NRK: variants seen among roughly 807,000 people sequenced by gnomAD.
NRK encodes nik-related protein kinase.
NRK carries 67 observed loss-of-function variants against 125.2 expected under a neutral mutation model. That is an observed-to-expected ratio of 0.54 (90% CI 0.44 to 0.66). The LOEUF is 0.66. Among genes scored for constraint, NRK ranks in the 30% least tolerant of loss-of-function variants. The pLI is 0.00. For synonymous variants in NRK, 458 were observed against 429.0 expected, an observed-to-expected ratio of 1.07 and a Z score of -0.84; for missense variants, 1,224 against 1,192.9, an observed-to-expected ratio of 1.03 and a Z score of -0.38.
chrX:105,907,218 G>A (rs1319112087), intron 11 of NRK: 1 of 110,896 alleles, frequency 9.0e-6, no homozygotes, highest in East Asian at 2.8e-4. Context: ...ACTCCAGCCC[G>A]GGTGACAGAA....
chrX:105,954,111 T>C (rs1186061962), intron 28 of NRK, among the ~76,000 whole-genome samples: 2 of 111,544 alleles, frequency 1.8e-5, no homozygotes, highest in Non-Finnish European at 3.8e-5. Flanking sequence ...TATTAATAAC[T>C]GCTTTGGGAA....
rs752587677 is a variant in NRK at position 105,953,127 on chromosome X, G to T, written c.4607G>T (p.Arg1536Leu). Residue 1536 changes from arginine to leucine, a missense_variant, in exon 28 of 29, where the codon CGC (arginine) becomes CTC (leucine). Arg to Leu is a moderately radical substitution (Grantham distance 102, BLOSUM62 -2). Transcript: ENST00000243300. ...AGGGTTCTGGAAAGTGAGCTGAAGC[G>T]CAGGTCAATTAAGAAGCTGAGATTC... ...QSRVLESELKRRSIKKLRFLC... is the reference protein window; with the variant it reads ...QSRVLESELKLRSIKKLRFLC... The T allele has an allele frequency of 2.5e-6, 3 of 1,195,558 alleles. No individual in the cohort carries two copies. Among genetic ancestry groups the T allele is most frequent in the Non-Finnish European group, 3.4e-6 (3 of 885,349 alleles).
At chrX:105,862,136 A>G (rs2039611861) in intron 2 of NRK, among the ~76,000 whole-genome samples, 1 of 112,097 alleles carries the variant, frequency 8.9e-6, no homozygotes, top group South Asian at 3.7e-4. Context: ...ATAAAACAAG[A>G]TGGTGATAAG....
At chrX:105,866,013 G>T (rs866881091) in intron 2 of NRK, among the ~76,000 whole-genome samples, 1 of 61,795 alleles carries the variant, frequency 1.6e-5, no homozygotes, top group Non-Finnish European at 2.6e-5. Flanking sequence ...ACAAAACAAA[G>T]CAAAAAAAAA....
At chrX:105,937,161 A>G (rs2040676043) in intron 21 of NRK, among the ~76,000 whole-genome samples, 1 of 109,863 alleles carries the variant, frequency 9.1e-6, no homozygotes, top group African/African-American at 3.3e-5. Flanking sequence ...ATTTTTATGT[A>G]TTTCATTGAA....
At chrX:105,846,370 T>C (rs1189482201) in intron 2 of NRK, among the ~76,000 whole-genome samples, 1 of 111,787 alleles carries the variant, frequency 8.9e-6, no homozygotes, top group Admixed American at 9.5e-5. Context: ...GGTCAGTGTG[T>C]GGAGTGGAAT....
intron 2 of NRK, among the ~76,000 whole-genome samples, chrX:105,873,737 T>G (rs768452194): frequency 9.0e-6 from 1 of 111,362 alleles, no homozygotes; most frequent in Non-Finnish European, 1.9e-5. Context: ...TCCCATCCAC[T>G]GGGCCCAACC....
In NRK at chrX:105,935,159, C is replaced by T. The variant is rs770176482; in HGVS notation, c.3500-11C>T. 8.6e-7 allele frequency: 1 copy of T among 1,163,684 alleles called. No homozygotes were observed. The highest frequency in any genetic ancestry group is 1.2e-6 in the Non-Finnish European group (1 of 852,772). ...AATTTCCCTTATTATCTTCCCCTTACATCTTTGCAGTATACGCTGGATTCG... is the reference window on the plus strand; with the variant it reads ...AATTTCCCTTATTATCTTCCCCTTATATCTTTGCAGTATACGCTGGATTCG... On this transcript the variant is annotated splice_polypyrimidine_tract_variant and intron_variant, in intron 20 of 28. Transcript: ENST00000243300.
At chrX:105,879,015 G>A (rs1178638377) in intron 2 of NRK, among the ~76,000 whole-genome samples, 1 of 111,255 alleles carries the variant, frequency 9.0e-6, no homozygotes, top group African/African-American at 3.3e-5. Flanking sequence ...ACTGTTCCTT[G>A]TCTCTTCCTG....
intron 2 of NRK, among the ~76,000 whole-genome samples, chrX:105,859,798 G>A (rs927061171): frequency 1.6e-4 from 18 of 111,833 alleles, no homozygotes; most frequent in African/African-American, 5.5e-4. Context: ...TCAATCACAT[G>A]TGTATTGGGG....
At chrX:105,829,960 A>G (rs1399775997) in intron 1 of NRK, among the ~76,000 whole-genome samples, 1 of 110,653 alleles carries the variant, frequency 9.0e-6, no homozygotes, top group Non-Finnish European at 1.9e-5. Flanking sequence ...GCATCAACCT[A>G]TAATTCAAAT....
chrX:105,880,641 A>G (rs1460440625), intron 3 of NRK, among the ~76,000 whole-genome samples: 1 of 111,078 alleles, frequency 9.0e-6, no homozygotes, highest in Admixed American at 9.7e-5. Flanking sequence ...CTCTCCAATG[A>G]TTTCCTCTGA....
chrX:105,892,492 G>A (rs2040028110), intron 5 of NRK, among the ~76,000 whole-genome samples: 1 of 111,547 alleles, frequency 9.0e-6, no homozygotes, highest in Non-Finnish European at 1.9e-5. Context: ...TACAAAGTTA[G>A]GAAAATTACT....
chrX:105,895,389 G>T, intron 6 of NRK, 44 bp from the exon 7 acceptor site: 3 of 974,295 alleles, frequency 3.1e-6, no homozygotes, highest in Non-Finnish European at 4.4e-6. Flanking sequence ...AAGAAAGAAA[G>T]AAAGAAATAT....
intron 2 of NRK, among the ~76,000 whole-genome samples, chrX:105,872,888 G>A (rs1214719648): frequency 1.8e-5 from 2 of 110,596 alleles, no homozygotes; most frequent in African/African-American, 6.6e-5. Flanking sequence ...TCCCTCCCTG[G>A]CACAGCATCA....
chrX:105,903,400 CTTAT>C (rs942937566), intron 9 of NRK, among the ~76,000 whole-genome samples: 1 of 111,562 alleles, frequency 9.0e-6, no homozygotes, highest in Non-Finnish European at 1.9e-5. Context: ...CATCAAGAGG[CTTAT>C]TCCTTCAATA....
Position 105,946,298 on chromosome X carries a change from T to C in NRK, c.4204-17T>C, listed in dbSNP as rs369611109. The stretch of plus-strand genomic sequence containing the variant: ...TCATTTTTGGCCTTTTGGCCATATT[T>C]GGTTTTATATTCACAGGTATTTCCA... On this transcript the variant is annotated splice_polypyrimidine_tract_variant and intron_variant, in intron 25 of 28. Coordinates refer to ENST00000243300, the MANE Select transcript of NRK (RefSeq NM_198465.4). 256 of 1,177,542 alleles carry C rather than the reference T, an allele frequency of 2.2e-4. 2 individuals carry two copies. The highest frequency in any genetic ancestry group is 1.0e-3 in the East Asian group (35 of 33,482).
intron 4 of NRK, among the ~76,000 whole-genome samples, chrX:105,882,666 A>G (rs1458160520): frequency 9.0e-6 from 1 of 110,939 alleles, no homozygotes; most frequent in East Asian, 2.8e-4. Context: ...TACTAACACA[A>G]TCACATTCAG....
At chrX:105,851,541 G>A (rs1393412182) in intron 2 of NRK, among the ~76,000 whole-genome samples, 1 of 111,936 alleles carries the variant, frequency 8.9e-6, no homozygotes, top group East Asian at 2.8e-4. Context: ...TATAAATTAA[G>A]TAATGCATTA....
Sources: allele counts gnomAD v4.1 joint callset (sites outside exome capture counted in the v4.1 genomes callset), GRCh38; gene constraint gnomAD v4.1.1; transcripts MANE v1.5; gene names NCBI Gene and HGNC (gene_info 2026-07-23, HGNC 2026-07-21).